Variants in PDE7B observed in about 807,000 individuals in gnomAD.
The protein encoded by PDE7B is phosphodiesterase 7B.
PDE7B carries 29 observed loss-of-function variants against 56.2 expected under a neutral mutation model. The observed-to-expected ratio is 0.52, with a 90% CI of 0.38 to 0.70. The LOEUF is 0.70. PDE7B is among the 30% of genes least tolerant of loss of function. The probability of loss-of-function intolerance (pLI) is 0.00; values close to 1 mark genes in which losing one functional copy is unlikely to be tolerated. For synonymous variants in PDE7B, 197 were observed against 196.9 expected (o/e 1.00, Z 0.00); for missense variants, 490 against 565.0 (o/e 0.87, Z 1.35).
intron 2 of PDE7B, among the ~76,000 whole-genome samples, chr6:136,001,635 A>G (rs897990531): frequency 6.6e-6 from 1 of 152,222 alleles, no homozygotes; most frequent in Non-Finnish European, 1.5e-5. Context: ...TGAAGCGAGA[A>G]GAGAAGTTTA....
intron 2 of PDE7B, among the ~76,000 whole-genome samples, chr6:136,042,553 CAAAG>C (rs1776430705): frequency 6.6e-6 from 1 of 152,104 alleles, no homozygotes; most frequent in African/African-American, 2.4e-5. Context: ...ACAAATCGCT[CAAAG>C]AAAGAAACTC....
intron 3 of PDE7B, among the ~76,000 whole-genome samples, chr6:136,138,429 ATCT>A (rs560269666): frequency 5.7e-4 from 87 of 152,180 alleles, no homozygotes; most frequent in African/African-American, 1.8e-3. Flanking sequence ...AGCTTCTTAT[ATCT>A]TCGTTTTTCT....
chr6:135,930,690 C>G (rs1433511100), intron 1 of PDE7B, among the ~76,000 whole-genome samples: 1 of 152,050 alleles, frequency 6.6e-6, no homozygotes, highest in Non-Finnish European at 1.5e-5. Flanking sequence ...AAGTGAGACC[C>G]TAGGATGCTG....
At chr6:135,897,494 A>G (rs1313576199) in intron 1 of PDE7B, among the ~76,000 whole-genome samples, 1 of 152,170 alleles carries the variant, frequency 6.6e-6, no homozygotes, top group African/African-American at 2.4e-5. Context: ...ACTGAACTAT[A>G]CAGAAGAGAA....
intron 2 of PDE7B, among the ~76,000 whole-genome samples, chr6:136,065,188 T>G (rs6906333): frequency 0.015 from 2,341 of 152,314 alleles, 54 homozygotes; most frequent in African/African-American, 0.054. Context: ...TAGGGTTTTC[T>G]CAGTTTGCTT....
intron 1 of PDE7B, among the ~76,000 whole-genome samples, chr6:135,867,905 AGTT>A (rs1167334301): frequency 6.6e-6 from 1 of 152,204 alleles, no homozygotes; most frequent in Non-Finnish European, 1.5e-5. Context: ...AAGGTGTATG[AGTT>A]GTTCTCTTTA....
intron 2 of PDE7B, among the ~76,000 whole-genome samples, chr6:136,010,074 G>A (rs1430532741): frequency 6.6e-6 from 1 of 152,056 alleles, no homozygotes; most frequent in African/African-American, 2.4e-5. Flanking sequence ...TTTTCTATGT[G>A]GGCATTTAGT....
At chr6:136,166,567 A>T (rs975019638) in intron 8 of PDE7B, among the ~76,000 whole-genome samples, 1 of 152,132 alleles carries the variant, frequency 6.6e-6, no homozygotes. Context: ...AGCAAGAGAG[A>T]GAGTGAGGGC....
chr6:136,168,878 A>C (rs1778838425), intron 8 of PDE7B, among the ~76,000 whole-genome samples: 1 of 152,214 alleles, frequency 6.6e-6, no homozygotes, highest in South Asian at 2.1e-4. Flanking sequence ...AATCAACCTT[A>C]GTTTTTTTTG....
chr6:135,952,068 C>T (rs1774712007), intron 2 of PDE7B, among the ~76,000 whole-genome samples: 1 of 152,066 alleles, frequency 6.6e-6, no homozygotes, highest in South Asian at 2.1e-4. Context: ...CATAGTTTTC[C>T]TGCAAAGTGG....
intron 2 of PDE7B, among the ~76,000 whole-genome samples, chr6:136,091,803 C>G (rs1232685794): frequency 6.6e-6 from 1 of 151,676 alleles, no homozygotes; most frequent in Non-Finnish European, 1.5e-5. Context: ...ACAGCCAAGA[C>G]TGGGAATCAA....
At chr6:135,933,742 G>T (rs915174568) in intron 1 of PDE7B, among the ~76,000 whole-genome samples, 3 of 152,092 alleles carry the variant, frequency 2.0e-5, no homozygotes, top group African/African-American at 7.2e-5. Context: ...ATATTGCAAT[G>T]TCAGTTTCAC....
At chr6:135,997,413 CAAAAAAAAAAAAAAAAAAAAAAAAAAA>C (rs59388049) in intron 2 of PDE7B, among the ~76,000 whole-genome samples, 1 of 10,706 alleles carries the variant, frequency 9.3e-5, no homozygotes, top group Non-Finnish European at 2.3e-4. Context: ...GACCCTGTCT[CAAAAAAAAAAAAAAAAAAAAAAAAAAA>C]AAAAAAAAAA....
chr6:136,094,443 C>A (rs374218628), intron 2 of PDE7B, among the ~76,000 whole-genome samples: 5 of 152,238 alleles, frequency 3.3e-5, no homozygotes, highest in Admixed American at 2.0e-4. Context: ...ATTTGCTGTT[C>A]CCTGAGCCTG....
chr6:135,911,478 A>G (rs1456061615), intron 1 of PDE7B, among the ~76,000 whole-genome samples: 1 of 152,176 alleles, frequency 6.6e-6, no homozygotes, highest in East Asian at 1.9e-4. Flanking sequence ...TTTTAAACCA[A>G]CGTGATATAA....
chr6:136,070,709 T>G (rs1461648771), intron 2 of PDE7B, among the ~76,000 whole-genome samples: 2 of 152,210 alleles, frequency 1.3e-5, no homozygotes, highest in Non-Finnish European at 2.9e-5. Flanking sequence ...ATTCTTTAAA[T>G]GTATTGTTAA....
At chr6:136,113,439 G>C (rs1025326271) in intron 3 of PDE7B, among the ~76,000 whole-genome samples, 6 of 152,204 alleles carry the variant, frequency 3.9e-5, no homozygotes, top group Non-Finnish European at 7.3e-5. Flanking sequence ...ATTTAGAAGA[G>C]AGTCATCTCT....
At chr6:136,026,191 G>C (rs1017793980) in intron 2 of PDE7B, among the ~76,000 whole-genome samples, 1 of 152,176 alleles carries the variant, frequency 6.6e-6, no homozygotes, top group African/African-American at 2.4e-5. Context: ...TAGTGGTTTA[G>C]CATCTGATTT....
chr6:136,126,703 T>A (rs1778028154), intron 3 of PDE7B, among the ~76,000 whole-genome samples: 2 of 152,188 alleles, frequency 1.3e-5, no homozygotes, highest in Non-Finnish European at 2.9e-5. Flanking sequence ...TACTCAGGAA[T>A]GGAAAACCAA....
Sources: gnomAD v4.1 joint callset for allele counts (sites outside exome capture counted in the v4.1 genomes callset) on GRCh38, gnomAD v4.1.1 for gene constraint, MANE v1.5 for transcripts, NCBI Gene and HGNC (gene_info 2026-07-23, HGNC 2026-07-21) for gene names.